The following TMEM132D variants were observed in gnomAD, a reference collection of about 807,000 sequenced individuals.
The protein encoded by TMEM132D is mature OL transmembrane protein.
Under a neutral mutation model 62.3 loss-of-function variants are expected in TMEM132D, and 21 were observed. The ratio of observed to expected loss-of-function variants is 0.34; its 90% CI spans 0.24 to 0.49. The LOEUF (loss-of-function observed/expected upper bound fraction) is 0.49. Ranked by LOEUF, TMEM132D falls within the 20% of genes least tolerant of loss-of-function variation. The pLI, the probability that TMEM132D is intolerant of heterozygous loss-of-function variation, is 0.99. For missense variants in TMEM132D, 1,346 were observed against 1,402.8 expected (o/e 0.96, Z 0.65); for synonymous variants, 621 against 575.6 (o/e 1.08, Z -1.13).
At chr12:129,639,835 A>G (rs1879596342) in intron 2 of TMEM132D, among the ~76,000 whole-genome samples, 1 of 151,850 alleles carries the variant, frequency 6.6e-6, no homozygotes, top group Admixed American at 6.6e-5. Flanking sequence ...TTTTTTCTCC[A>G]TTTTTTTACT....
At chr12:129,296,465 A>C (rs1307430916) in intron 4 of TMEM132D, among the ~76,000 whole-genome samples, 1 of 152,182 alleles carries the variant, frequency 6.6e-6, no homozygotes, top group Admixed American at 6.5e-5. Flanking sequence ...CAAATAGGAG[A>C]ATACTTTGTG....
At chr12:129,336,511 G>T (rs942706962) in intron 4 of TMEM132D, among the ~76,000 whole-genome samples, 2 of 151,950 alleles carry the variant, frequency 1.3e-5, no homozygotes, top group African/African-American at 4.8e-5. Context: ...GGCAAAGGTT[G>T]CAGTGAGCCA....
At chr12:129,376,826 T>A (rs1870794490) in intron 3 of TMEM132D, among the ~76,000 whole-genome samples, 1 of 152,170 alleles carries the variant, frequency 6.6e-6, no homozygotes, top group Non-Finnish European at 1.5e-5. Context: ...TAAACGTGTG[T>A]TAAAGAAAAA....
intron 1 of TMEM132D, among the ~76,000 whole-genome samples, chr12:129,724,519 TTC>T (rs1331020384): frequency 6.6e-6 from 1 of 152,118 alleles, no homozygotes; most frequent in Non-Finnish European, 1.5e-5. Context: ...TGTTTTTTGT[TTC>T]TGTTTTTGTT....
At chr12:129,418,810 G>A (rs146935835) in intron 3 of TMEM132D, among the ~76,000 whole-genome samples, 5 of 152,212 alleles carry the variant, frequency 3.3e-5, no homozygotes, top group African/African-American at 7.2e-5. Context: ...TGCTGTATAC[G>A]GGTGGGTTCC....
At position 129,875,893 on chromosome 12, in the gene TMEM132D, G is replaced by A. The variant is rs140572682; in HGVS notation, c.79+27368C>T. Among the ~76,000 whole-genome samples, 316 of 152,268 alleles carry A rather than the reference G, an allele frequency of 2.1e-3. 1 individual carries two copies. The highest frequency in any genetic ancestry group is 7.3e-3 in the African/African-American group (303 of 41,564). On this transcript the variant is annotated intron_variant, in intron 1 of 8. Coordinates refer to ENST00000422113, the MANE Select transcript of TMEM132D (RefSeq NM_133448.3). ...CAAACACAACATGTCCATCAGCAGC[G>A]GGTGGCTGACCAGCTTCCATTTTGT...
rs1201501571 is a variant in TMEM132D at position 129,074,670 on chromosome 12, C to A, written c.2505G>T (p.Gly835=). The change falls in exon 9 of 9, where the codon GGG becomes GGT. Residue 835 remains glycine (G), a synonymous_variant. Coordinates refer to ENST00000422113, the MANE Select transcript of TMEM132D (RefSeq NM_133448.3). The part of the protein sequence containing the change: ...RRPKKPSQEW[G]SQEGQYYGSS... ...TGCCATAGTACTGTCCTTCCTGACT[C>A]CCCCATTCCTGCGAGGGTTTTTTGG... 1 of 1,614,112 alleles carries A rather than the reference C, an allele frequency of 6.2e-7. No homozygotes were observed. The highest frequency in any genetic ancestry group is 8.5e-7 in the Non-Finnish European group (1 of 1,180,018).
At chr12:129,894,898 T>C (rs1373516975) in intron 1 of TMEM132D, among the ~76,000 whole-genome samples, 1 of 152,212 alleles carries the variant, frequency 6.6e-6, no homozygotes, top group African/African-American at 2.4e-5. Context: ...CATGTTGCAA[T>C]ATCCCCTTTG....
At chr12:129,099,646 T>A (rs1323434014) in intron 5 of TMEM132D, among the ~76,000 whole-genome samples, 1 of 152,180 alleles carries the variant, frequency 6.6e-6, no homozygotes, top group African/African-American at 2.4e-5. Context: ...TCCAGACGGC[T>A]CTATGCAGTC....
At chr12:129,601,470 T>C (rs533970127) in intron 2 of TMEM132D, among the ~76,000 whole-genome samples, 6 of 152,334 alleles carry the variant, frequency 3.9e-5, no homozygotes, top group African/African-American at 1.4e-4. Flanking sequence ...AACATAACCA[T>C]ATGATACAAA....
chr12:129,174,686 C>T (rs1019715944), intron 5 of TMEM132D, among the ~76,000 whole-genome samples: 3 of 152,190 alleles, frequency 2.0e-5, no homozygotes, highest in Admixed American at 6.5e-5. Flanking sequence ...CTAATTTACA[C>T]TCCCACCAAC....
At chr12:129,873,010 C>T (rs570971799) in intron 1 of TMEM132D, among the ~76,000 whole-genome samples, 7 of 152,258 alleles carry the variant, frequency 4.6e-5, no homozygotes, top group Admixed American at 2.6e-4. Flanking sequence ...AGGCGGCTCT[C>T]CTATGAACAC....
At chr12:129,676,709 C>T (rs1309589003) in intron 2 of TMEM132D, among the ~76,000 whole-genome samples, 2 of 152,184 alleles carry the variant, frequency 1.3e-5, no homozygotes, top group East Asian at 1.9e-4. Flanking sequence ...CCTCTAGGCC[C>T]CACCTCCAAC....
intron 3 of TMEM132D, among the ~76,000 whole-genome samples, chr12:129,342,452 G>C (rs1315003691): frequency 6.6e-6 from 1 of 151,550 alleles, no homozygotes; most frequent in Non-Finnish European, 1.5e-5. Flanking sequence ...TTACATGTTA[G>C]ACCTAAAACC....
intron 1 of TMEM132D, among the ~76,000 whole-genome samples, chr12:129,720,694 C>T (rs939356781): frequency 4.6e-5 from 7 of 152,200 alleles, no homozygotes; most frequent in South Asian, 2.1e-4. Context: ...CCCCAGTCAT[C>T]GTCTCCGAAT....
chr12:129,325,967 G>A (rs1593338133), intron 4 of TMEM132D, among the ~76,000 whole-genome samples: 1 of 152,316 alleles, frequency 6.6e-6, no homozygotes, highest in East Asian at 1.9e-4. Flanking sequence ...GATGAAGGAA[G>A]ACTAGGCATC....
In TMEM132D at chr12:129,287,669, A is replaced by G. The variant is rs183276642; in HGVS notation, c.1299+49965T>C. 2.1e-3 allele frequency among the ~76,000 whole-genome samples: 327 copies of G among 152,308 alleles called. 1 individual carries two copies. Among genetic ancestry groups the G allele is most frequent in the Middle Eastern group, 0.02 (6 of 294 alleles). Reference sequence around the variant, plus strand: ...AAGTTAACCTCACCTGTAACAGGACATATTGGCATCATATTCCTTTTGATC... The same window carrying G: ...AAGTTAACCTCACCTGTAACAGGACGTATTGGCATCATATTCCTTTTGATC... On this transcript the variant is annotated intron_variant, in intron 4 of 8. Transcript: ENST00000422113.
At chr12:129,424,896 C>T (rs375995207) in intron 3 of TMEM132D, among the ~76,000 whole-genome samples, 39 of 152,114 alleles carry the variant, frequency 2.6e-4, no homozygotes, top group African/African-American at 8.2e-4. Context: ...AATTTTAGGA[C>T]GTTTTCATCA....
intron 2 of TMEM132D, among the ~76,000 whole-genome samples, chr12:129,550,566 G>T (rs887047185): frequency 2.4e-4 from 36 of 152,156 alleles, no homozygotes; most frequent in Middle Eastern, 3.2e-3. Flanking sequence ...GTTCCACTCT[G>T]TACAACACTT....
Sources: gnomAD v4.1 joint callset for allele counts (sites outside exome capture counted in the v4.1 genomes callset) on GRCh38, gnomAD v4.1.1 for gene constraint, MANE v1.5 for transcripts, NCBI Gene and HGNC (gene_info 2026-07-23, HGNC 2026-07-21) for gene names.